VPS13A: variants seen among roughly 807,000 people sequenced by gnomAD.
VPS13A encodes intermembrane lipid transfer protein VPS13A.
A neutral mutation model predicts 390.9 loss-of-function variants in VPS13A; 264 were observed. That is an observed-to-expected ratio of 0.68 (90% confidence interval 0.61 to 0.75). The LOEUF is 0.75. Ranked by LOEUF, VPS13A falls within the 30% of genes least tolerant of loss-of-function variation. VPS13A has a pLI of 0.00. For synonymous variants in VPS13A, 1,231 were observed against 1,227.1 expected (o/e 1.00, Z -0.07); for missense variants, 3,409 against 3,733.9 (o/e 0.91, Z 2.27).
chr9:77,325,309 G>C (rs1250074758), intron 45 of VPS13A, among the ~76,000 whole-genome samples: 1 of 152,014 alleles, frequency 6.6e-6, no homozygotes, highest in African/African-American at 2.4e-5. Flanking sequence ...ACAGGCCACA[G>C]ACCGGTACAG....
chr9:77,324,719 C>T (rs1054395269), intron 45 of VPS13A, among the ~76,000 whole-genome samples: 2 of 152,100 alleles, frequency 1.3e-5, no homozygotes, highest in South Asian at 2.1e-4. Flanking sequence ...TGCTCTGTGT[C>T]CAGGCTGGAG....
intron 17 of VPS13A, among the ~76,000 whole-genome samples, chr9:77,234,885 A>G (rs193223428): frequency 1.3e-5 from 2 of 152,326 alleles, no homozygotes; most frequent in Admixed American, 6.5e-5. Context: ...AATTTAAGAC[A>G]GTCAAATTTG....
At chr9:77,232,024 A>C (rs190597772) in intron 17 of VPS13A, among the ~76,000 whole-genome samples, 1 of 151,808 alleles carries the variant, frequency 6.6e-6, no homozygotes, top group African/African-American at 2.4e-5. Context: ...CTCAATGAAC[A>C]CTCCTGGTAC....
At chr9:77,207,252 T>TATATATATATATATATACATAA in intron 5 of VPS13A, among the ~76,000 whole-genome samples, 1 of 87,274 alleles carries the variant, frequency 1.1e-5, no homozygotes, top group African/African-American at 4.1e-5. Flanking sequence ...TATATATATA[T>TATATATATATATATATACATAA]AAAACGTGTT....
intron 44 of VPS13A, 36 bp from the exon 45 acceptor site, chr9:77,323,031 A>G (rs778649622): frequency 5.4e-6 from 8 of 1,488,966 alleles, no homozygotes; most frequent in Non-Finnish European, 7.4e-6. Flanking sequence ...GTAATGAATT[A>G]TAATAAAAAC....
intron 68 of VPS13A, among the ~76,000 whole-genome samples, chr9:77,394,373 C>T (rs1834037815): frequency 6.6e-6 from 1 of 152,050 alleles, no homozygotes; most frequent in Non-Finnish European, 1.5e-5. Context: ...GGCCAGGGCT[C>T]TAGGATTTTT....
chr9:77,412,122 A>T (rs1354101967), intron 71 of VPS13A, among the ~76,000 whole-genome samples: 1 of 152,204 alleles, frequency 6.6e-6, no homozygotes, highest in Non-Finnish European at 1.5e-5. Context: ...AACCAAAAAA[A>T]GTCCAGGACC....
chr9:77,394,831 G>A (rs1311484967), intron 68 of VPS13A, among the ~76,000 whole-genome samples: 3 of 152,160 alleles, frequency 2.0e-5, no homozygotes, highest in Non-Finnish European at 2.9e-5. Flanking sequence ...TAAACCTCAT[G>A]AACCAATCTC....
chr9:77,313,929 G>A, intron 35 of VPS13A, 63 bp from the exon 36 acceptor site: 2 of 1,487,160 alleles, frequency 1.3e-6, no homozygotes, highest in Non-Finnish European at 1.8e-6. Flanking sequence ...CTATTTCAAG[G>A]GTATTTTAAT....
rs753944590 is a variant in VPS13A at position 77,260,109 on chromosome 9, C to G, written c.2312C>G (p.Pro771Arg). The G allele has an allele frequency of 2.6e-6, 4 of 1,535,170 alleles. No homozygotes were observed. Among genetic ancestry groups the G allele is most frequent in the Non-Finnish European group, 3.6e-6 (4 of 1,111,734 alleles). ...MPKFKIYGKL[P>R]LISLRISDKK... is the part of the protein sequence containing the mutation. Reference sequence around the variant, plus strand: ...AGATTCAAGATTTATGGAAAGTTACCTCTTATTTCTTTACGAATCTCAGAT... The same window carrying G: ...AGATTCAAGATTTATGGAAAGTTACGTCTTATTTCTTTACGAATCTCAGAT... Residue 771 changes from proline (P) to arginine (R), a missense_variant, in exon 23 of 72, where the codon CCT becomes CGT. Around this residue, in one of 5 missense-constraint regions of VPS13A, gnomAD observed 2,717 missense variants for 2,917.4 expected, o/e 0.93. Transcript: ENST00000360280.
At chr9:77,313,388 A>G (rs1235615772) in intron 35 of VPS13A, among the ~76,000 whole-genome samples, 1 of 152,194 alleles carries the variant, frequency 6.6e-6, no homozygotes, top group Non-Finnish European at 1.5e-5. Flanking sequence ...TATAAGATAC[A>G]TGTATTTCAT....
chr9:77,327,802 C>A (rs1344930087), intron 45 of VPS13A, among the ~76,000 whole-genome samples: 1 of 152,106 alleles, frequency 6.6e-6, no homozygotes, highest in African/African-American at 2.4e-5. Context: ...CTTGCTATAT[C>A]CACCATATCT....
intron 68 of VPS13A, among the ~76,000 whole-genome samples, chr9:77,386,466 T>C (rs1262735979): frequency 6.7e-6 from 1 of 149,360 alleles, no homozygotes; most frequent in African/African-American, 2.5e-5. Context: ...ATAAAGATGA[T>C]CTTAACCTTT....
intron 46 of VPS13A, among the ~76,000 whole-genome samples, chr9:77,333,408 T>G (rs1830378131): frequency 6.6e-6 from 1 of 151,346 alleles, no homozygotes; most frequent in South Asian, 2.1e-4. Context: ...ACTAACCAGC[T>G]TGGATTTCTC....
At chr9:77,353,356 G>T in intron 53 of VPS13A, 53 bp from the exon 54 acceptor site, 2 of 1,381,648 alleles carry the variant, frequency 1.4e-6, no homozygotes, top group Non-Finnish European at 1.0e-6. Flanking sequence ...ATGTTCTTTG[G>T]GACCAAATTC....
chr9:77,305,147 C>A (rs760206664), intron 34 of VPS13A, among the ~76,000 whole-genome samples: 1 of 152,040 alleles, frequency 6.6e-6, no homozygotes, highest in Non-Finnish European at 1.5e-5. Context: ...ACCGTGTTAG[C>A]CAGGATGGTC....
At chr9:77,237,697 A>T (rs1397157050) in intron 17 of VPS13A, among the ~76,000 whole-genome samples, 1 of 152,208 alleles carries the variant, frequency 6.6e-6, no homozygotes, top group African/African-American at 2.4e-5. Flanking sequence ...AGAAGAAAAC[A>T]TGTTTATAGA....
chr9:77,352,051 G>C (rs1213285215), intron 53 of VPS13A, among the ~76,000 whole-genome samples: 2 of 152,134 alleles, frequency 1.3e-5, no homozygotes, highest in East Asian at 3.9e-4. Flanking sequence ...CTTCTACTGT[G>C]TTATAAAGAA....
At chr9:77,315,596 T>G (rs139971211) in intron 38 of VPS13A, 126 bp downstream of exon 38, 1 of 993,530 alleles carries the variant, frequency 1.0e-6, no homozygotes, top group African/African-American at 1.6e-5. Flanking sequence ...TTTTTCAGAG[T>G]AGAAGGAAAA....
Sources: gnomAD v4.1 joint callset for allele counts (sites outside exome capture counted in the v4.1 genomes callset) on GRCh38, gnomAD v4.1.1 for gene constraint, gnomAD v4.1.1 regional missense constraint, MANE v1.5 for transcripts, NCBI Gene and HGNC (gene_info 2026-07-23, HGNC 2026-07-21) for gene names.